ADARB1: variants seen among roughly 807,000 people sequenced by gnomAD.
ADARB1 encodes the protein adenosine deaminase RNA specific B1.
A neutral mutation model predicts 52.4 loss-of-function variants in ADARB1; 10 were observed. The ratio of observed to expected loss-of-function variants is 0.19; its 90% CI spans 0.12 to 0.32. The LOEUF is 0.32. ADARB1 is among the 10% of genes least tolerant of loss of function. The pLI is 1.00. For missense variants in ADARB1, 643 were observed against 922.3 expected, an observed-to-expected ratio of 0.70 and a Z score of 3.92; for synonymous variants, 349 against 371.1, an observed-to-expected ratio of 0.94 and a Z score of 0.68.
chr21:45,146,390 G>A (rs2090009066), intron 2 of ADARB1: 1 of 152,272 alleles, frequency 6.6e-6, no homozygotes, highest in African/African-American at 2.4e-5. Flanking sequence ...ACAGTCATGA[G>A]TTATGCATCA....
intron 1 of ADARB1, among the ~76,000 whole-genome samples, chr21:45,083,183 T>C (rs977376644): frequency 7.9e-5 from 12 of 152,238 alleles, no homozygotes; most frequent in Non-Finnish European, 1.8e-4. Flanking sequence ...AGATAGACAC[T>C]TGTAAGCCTT....
chr21:45,125,569 A>G (rs1278565745), intron 1 of ADARB1, among the ~76,000 whole-genome samples: 3 of 152,246 alleles, frequency 2.0e-5, no homozygotes, highest in East Asian at 1.9e-4. Flanking sequence ...GCTGCGTTCA[A>G]TGGGCCAGAG....
At chr21:45,145,594 A>C (rs753367939) in intron 2 of ADARB1, 1 of 152,242 alleles carries the variant, frequency 6.6e-6, no homozygotes, top group Non-Finnish European at 1.5e-5. Context: ...CACAAATGCC[A>C]AAGCATTAGG....
chr21:45,153,201 G>A (rs2090387565), intron 2 of ADARB1, among the ~76,000 whole-genome samples: 2 of 152,146 alleles, frequency 1.3e-5, no homozygotes, highest in African/African-American at 4.8e-5. Flanking sequence ...GTTAATACCA[G>A]TTTTTAATTC....
chr21:45,098,537 G>A (rs1344637509), intron 1 of ADARB1, among the ~76,000 whole-genome samples: 1 of 152,180 alleles, frequency 6.6e-6, no homozygotes, highest in African/African-American at 2.4e-5. Flanking sequence ...CTCAGTGGAG[G>A]GTGCCTGGCC....
At chr21:45,206,233 A>G (rs1007659959) in intron 9 of ADARB1, among the ~76,000 whole-genome samples, 1 of 152,236 alleles carries the variant, frequency 6.6e-6, no homozygotes, top group Non-Finnish European at 1.5e-5. Context: ...ATATGCATAG[A>G]TACTTAAAAC....
intron 2 of ADARB1, among the ~76,000 whole-genome samples, chr21:45,143,893 C>T (rs1009896554): frequency 3.3e-5 from 5 of 152,226 alleles, no homozygotes; most frequent in Admixed American, 1.3e-4. Flanking sequence ...ACTGTTGTCC[C>T]CTGACACTTG....
At chr21:45,171,727 A>G (rs754267461) in intron 3 of ADARB1, 43 bp downstream of exon 3, 2 of 1,563,144 alleles carry the variant, frequency 1.3e-6, no homozygotes, top group South Asian at 1.2e-5. Flanking sequence ...AGCTAATTTT[A>G]TGTTAACATT....
intron 1 of ADARB1, among the ~76,000 whole-genome samples, chr21:45,127,883 G>T (rs1261861940): frequency 1.3e-5 from 2 of 152,150 alleles, no homozygotes; most frequent in Admixed American, 6.5e-5. Flanking sequence ...ATGGCTTGCT[G>T]GTTGAAAACG....
At chr21:45,198,419 T>G (rs1189614231) in intron 8 of ADARB1, among the ~76,000 whole-genome samples, 4 of 152,132 alleles carry the variant, frequency 2.6e-5, no homozygotes, top group Non-Finnish European at 5.9e-5. Context: ...TAGAACATTT[T>G]CTAGAAAAGT....
intron 9 of ADARB1, among the ~76,000 whole-genome samples, chr21:45,214,378 T>C (rs890422598): frequency 6.6e-6 from 1 of 152,258 alleles, no homozygotes; most frequent in African/African-American, 2.4e-5. Context: ...CACATAATTT[T>C]AATTTTGACA....
rs554630649 is a variant in ADARB1 at position 45,225,145 on chromosome 21, C to T, written c.*2948C>T. ...ACAAAGACACTGTCCCTCAGGACCA[C>T]TCAGGTACAGCTCTGCCAGGGACAG... On this transcript the variant is annotated 3_prime_UTR_variant, in exon 11 of 11. Transcript: ENST00000348831. The T allele has an allele frequency of 4.1e-5, 42 of 1,021,098 alleles. 1 individual carries two copies. The South Asian group carries it at 1.8e-3, about 43-fold the overall frequency. The allele number at this position is 1,021,098 out of a possible 1,614,324, so 63.3% of individuals were successfully genotyped here. A position where few individuals can be genotyped will look rare whatever the true frequency, so the allele number is the denominator to read the frequency against.
chr21:45,116,011 AC>A (rs1350198114), intron 1 of ADARB1, among the ~76,000 whole-genome samples: 1 of 152,202 alleles, frequency 6.6e-6, no homozygotes, highest in East Asian at 1.9e-4. Flanking sequence ...TCCATAAGGA[AC>A]TGTATGTTGC....
rs1160019655 is a variant in ADARB1, at chr21:45,118,403, T to C, written c.-219-9999T>C. Among the ~76,000 whole-genome samples, 4 of 152,236 alleles carry C rather than the reference T, an allele frequency of 2.6e-5. No homozygotes were observed. The East Asian group carries it at 7.7e-4, about 29-fold the overall frequency. ...TGACAGACTTCTTAATTCACTTCCT[T>C]ATAGAATGGATGGCTGACAGACTTC... On this transcript the variant is annotated intron_variant, in intron 1 of 10. Transcript: ENST00000348831.
intron 1 of ADARB1, among the ~76,000 whole-genome samples, chr21:45,114,057 C>T (rs2087697518): frequency 6.6e-6 from 1 of 152,186 alleles, no homozygotes. Context: ...AAATATTATG[C>T]TTAGTAGACA....
At chr21:45,148,535 GAA>G (rs762121397) in intron 2 of ADARB1, among the ~76,000 whole-genome samples, 9 of 152,316 alleles carry the variant, frequency 5.9e-5, no homozygotes, top group Non-Finnish European at 8.8e-5. Context: ...GGTGGAGAGA[GAA>G]GAGATGTGAC....
chr21:45,199,012 G>A (rs944493304), intron 8 of ADARB1, among the ~76,000 whole-genome samples: 5 of 152,140 alleles, frequency 3.3e-5, no homozygotes, highest in Non-Finnish European at 5.9e-5. Context: ...GTAATTTTCG[G>A]CAGAACAGTG....
At chr21:45,178,478 CCTTGTGT>C (rs1379685397) in intron 4 of ADARB1, among the ~76,000 whole-genome samples, 1 of 152,220 alleles carries the variant, frequency 6.6e-6, no homozygotes, top group East Asian at 1.9e-4. Context: ...GAACCTGCCA[CCTTGTGT>C]CTTTGGAGCC....
At chr21:45,095,797 C>A (rs1189264667) in intron 1 of ADARB1, among the ~76,000 whole-genome samples, 2 of 152,166 alleles carry the variant, frequency 1.3e-5, no homozygotes, top group African/African-American at 4.8e-5. Context: ...TGCCCAGATG[C>A]CTGGGGCAGG....
Sources: allele counts gnomAD v4.1 joint callset (sites outside exome capture counted in the v4.1 genomes callset), GRCh38; gene constraint gnomAD v4.1.1; transcripts MANE v1.5; gene names NCBI Gene and HGNC (gene_info 2026-07-23, HGNC 2026-07-21).